The following ROBO1 variants were observed in gnomAD, a reference collection of about 807,000 sequenced individuals.
The protein encoded by ROBO1 is roundabout homolog 1.
In ROBO1, 149 loss-of-function variants were observed where a neutral mutation model predicts 195.9. The ratio of observed to expected loss-of-function variants is 0.76; its 90% CI spans 0.67 to 0.87. The LOEUF is 0.87. Ranked by LOEUF, ROBO1 falls within the 40% of genes least tolerant of loss-of-function variation. The pLI is 0.00. For synonymous variants in ROBO1, 816 were observed against 733.2 expected, an observed-to-expected ratio of 1.11 and a Z score of -1.82; for missense variants, 1,933 against 2,068.3, an observed-to-expected ratio of 0.93 and a Z score of 1.27.
chr3:79,759,278 C>T (rs1704568450), intron 1 of ROBO1, among the ~76,000 whole-genome samples: 1 of 151,998 alleles, frequency 6.6e-6, no homozygotes, highest in Non-Finnish European at 1.5e-5. Flanking sequence ...GAATAATTTC[C>T]TTTCGAAACA....
At chr3:78,963,542 G>T in intron 3 of ROBO1, among the ~76,000 whole-genome samples, 1 of 99,718 alleles carries the variant, frequency 1.0e-5, no homozygotes, top group Non-Finnish European at 1.8e-5. Context: ...TTTTTGAGAC[G>T]GAGTCTCGCT....
intron 25 of ROBO1, 61 bp downstream of exon 25, chr3:78,631,100 C>T (rs1705151126): frequency 7.8e-6 from 12 of 1,529,310 alleles, no homozygotes; most frequent in Non-Finnish European, 1.1e-5. Flanking sequence ...ATAATAATTG[C>T]TGAAAATGGG....
chr3:78,809,679 C>T (rs1057454091), intron 4 of ROBO1, among the ~76,000 whole-genome samples: 9 of 152,148 alleles, frequency 5.9e-5, no homozygotes, highest in African/African-American at 1.7e-4. Context: ...GATGAGTTCA[C>T]GTCCTTTGCA....
Position 79,475,999 on chromosome 3 carries a change from T to C in ROBO1, c.88+113825A>G, listed in dbSNP as rs150541705. ...TAAAATAAATGGAGTTAAAATGATA[T>C]TAAAAATCTGTTGAAGGACTAATCC... On this transcript the variant is annotated intron_variant, in intron 2 of 30. Transcript: ENST00000464233. 3.3e-5 allele frequency among the ~76,000 whole-genome samples: 5 copies of C among 152,076 alleles called. No homozygotes were observed. In the East Asian group the frequency reaches 9.7e-4, roughly 29 times the overall value.
At chr3:78,844,991 A>G (rs2033554842) in intron 4 of ROBO1, among the ~76,000 whole-genome samples, 1 of 152,064 alleles carries the variant, frequency 6.6e-6, no homozygotes, top group African/African-American at 2.4e-5. Context: ...GATCACTCTG[A>G]TATCAACTTT....
chr3:78,871,374 T>G (rs1226273823), intron 4 of ROBO1, among the ~76,000 whole-genome samples: 1 of 152,198 alleles, frequency 6.6e-6, no homozygotes, highest in African/African-American at 2.4e-5. Context: ...GATTTTCATC[T>G]TATGCTTTAG....
At chr3:78,657,337 G>T in intron 17 of ROBO1, 68 bp from the exon 18 acceptor site, 1 of 1,536,146 alleles carries the variant, frequency 6.5e-7, no homozygotes, top group Non-Finnish European at 8.9e-7. Context: ...TCAACACAGG[G>T]TTGCAGTTTT....
At chr3:79,037,509 C>A (rs1287101718) in intron 3 of ROBO1, among the ~76,000 whole-genome samples, 1 of 152,034 alleles carries the variant, frequency 6.6e-6, no homozygotes, top group Non-Finnish European at 1.5e-5. Context: ...CTCAAATATT[C>A]TTTTTTGATG....
At chr3:79,612,036 A>T (rs67240908) in intron 1 of ROBO1, among the ~76,000 whole-genome samples, 1,731 of 71,370 alleles carry the variant, frequency 0.024, 30 homozygotes, top group African/African-American at 0.14. Context: ...TTTTTTTATT[A>T]TTTTTTTATA....
At chr3:79,666,579 A>G (rs909031110) in intron 1 of ROBO1, among the ~76,000 whole-genome samples, 3 of 151,802 alleles carry the variant, frequency 2.0e-5, no homozygotes, top group Admixed American at 1.3e-4. Context: ...AATAAGTCTC[A>G]TGAGATCTGA....
chr3:78,831,642 G>A (rs919880673), intron 4 of ROBO1, among the ~76,000 whole-genome samples: 3 of 152,172 alleles, frequency 2.0e-5, no homozygotes, highest in African/African-American at 7.2e-5. Flanking sequence ...CTAAAAGTGT[G>A]TGGTATTGTA....
intron 8 of ROBO1, among the ~76,000 whole-genome samples, chr3:78,707,428 C>A (rs1025264698): frequency 5.3e-5 from 8 of 152,158 alleles, no homozygotes; most frequent in African/African-American, 1.9e-4. Flanking sequence ...GGGGAAGCAT[C>A]AGACAAAAAT....
chr3:78,853,503 T>C (rs1451805563), intron 4 of ROBO1, among the ~76,000 whole-genome samples: 1 of 151,702 alleles, frequency 6.6e-6, no homozygotes, highest in Non-Finnish European at 1.5e-5. Context: ...ATTTATATAT[T>C]GTGATGGTTA....
intron 3 of ROBO1, among the ~76,000 whole-genome samples, chr3:79,076,664 A>G (rs1431984182): frequency 6.6e-6 from 1 of 151,752 alleles, no homozygotes; most frequent in African/African-American, 2.4e-5. Flanking sequence ...CACTTGATGG[A>G]AAAATGAGAG....
chr3:79,730,259 G>A lies in ROBO1; in HGVS notation c.-51+37493C>T, dbSNP rs527555821. ...TCATAATCATAGTCCCTAAATGAAGGGAGGGGAGATATGATTTCCTAATTA... is the reference window on the plus strand; with the variant it reads ...TCATAATCATAGTCCCTAAATGAAGAGAGGGGAGATATGATTTCCTAATTA... On this transcript the variant is annotated intron_variant, in intron 1 of 30. Coordinates refer to ENST00000464233, the MANE Select transcript of ROBO1 (RefSeq NM_002941.4). Among the ~76,000 whole-genome samples, 4 of 152,190 alleles carry A rather than the reference G, an allele frequency of 2.6e-5. No homozygotes were observed. In the East Asian group the frequency reaches 7.8e-4, roughly 30 times the overall value.
At chr3:79,244,614 C>A (rs1287152203) in intron 2 of ROBO1, among the ~76,000 whole-genome samples, 3 of 151,962 alleles carry the variant, frequency 2.0e-5, no homozygotes, top group Non-Finnish European at 4.4e-5. Context: ...TAGCTACACC[C>A]ACAGGCGGTA....
intron 2 of ROBO1, among the ~76,000 whole-genome samples, chr3:79,359,995 C>T (rs1387667): frequency 0.25 from 38,504 of 151,770 alleles, 5,363 homozygotes; most frequent in East Asian, 0.37. Flanking sequence ...AAGATAATTG[C>T]AGGCAGAGGA....
intron 2 of ROBO1, among the ~76,000 whole-genome samples, chr3:79,541,424 C>G (rs374036871): frequency 6.6e-6 from 1 of 152,100 alleles, no homozygotes; most frequent in South Asian, 2.1e-4. Flanking sequence ...AGCACAGGGA[C>G]AGAAATTCAG....
chr3:79,145,073 T>A (rs922526481), intron 2 of ROBO1, among the ~76,000 whole-genome samples: 6 of 151,962 alleles, frequency 3.9e-5, no homozygotes, highest in African/African-American at 1.4e-4. Flanking sequence ...ATCTTTTATG[T>A]CATTTGACTA....
Sources: allele counts gnomAD v4.1 joint callset (sites outside exome capture counted in the v4.1 genomes callset), GRCh38; gene constraint gnomAD v4.1.1; transcripts MANE v1.5; gene names NCBI Gene and HGNC (gene_info 2026-07-23, HGNC 2026-07-21).